The following FMN2 variants were observed in gnomAD, a reference collection of about 807,000 sequenced individuals.
FMN2 encodes the protein formin-2.
A neutral mutation model predicts 142.3 loss-of-function variants in FMN2; 51 were observed. That is an observed-to-expected ratio of 0.36 (90% CI 0.29 to 0.45). The LOEUF is 0.45. Ranked by LOEUF, FMN2 falls within the 20% of genes least tolerant of loss-of-function variation. The pLI is 1.00. For missense variants in FMN2, 1,936 were observed against 2,122.8 expected, an observed-to-expected ratio of 0.91 and a Z score of 1.73; for synonymous variants, 882 against 869.8, an observed-to-expected ratio of 1.01 and a Z score of -0.25.
At chr1:240,354,469 A>G (rs952514174) in intron 13 of FMN2, among the ~76,000 whole-genome samples, 6 of 152,190 alleles carry the variant, frequency 3.9e-5, no homozygotes, top group African/African-American at 1.2e-4. Context: ...TGGAAGTTTC[A>G]TATGTTGAGT....
Position 240,206,808 on chromosome 1 carries a change from G to T in FMN2, c.1996G>T (p.Asp666Tyr), listed in dbSNP as rs141879002. The T allele has an allele frequency of 6.2e-7, 1 of 1,604,656 alleles. No homozygotes were observed. The highest frequency in any genetic ancestry group is 1.3e-5 in the African/African-American group (1 of 74,684). ...CCTTGTCGCCCTTCAGGAAGTTGTT[G>T]ACATGAAGTCTGAGGGACAGGCCAC... The part of the protein sequence containing the change: ...RSDAVQKEVV[D>Y]MKSEGQATVI... Residue 666 changes from aspartate to tyrosine, a missense_variant, in exon 5 of 18, where the codon GAC becomes TAC. Around this residue, in one of 8 missense-constraint regions of FMN2, gnomAD observed 478 missense variants for 462.8 expected, o/e 1.03. Coordinates refer to ENST00000319653, the MANE Select transcript of FMN2 (RefSeq NM_020066.5).
At position 240,424,890 on chromosome 1, in the gene FMN2, G is replaced by A. The variant is rs970888091; in HGVS notation, c.4911-13171G>A. ...AAAATTTGCCTCCAGAAATGTCTAG[G>A]CCCCTTGTTCAGGAGACAGTCATTC... On this transcript the variant is annotated intron_variant, in intron 15 of 17. Coordinates refer to ENST00000319653, the MANE Select transcript of FMN2 (RefSeq NM_020066.5). 1.1e-4 allele frequency among the ~76,000 whole-genome samples: 17 copies of A among 152,270 alleles called. No individual in the cohort carries two copies. In the East Asian group the frequency reaches 3.1e-3, roughly 28 times the overall value.
intron 2 of FMN2, among the ~76,000 whole-genome samples, chr1:240,162,544 TC>T (rs1664321706): frequency 6.6e-6 from 1 of 152,222 alleles, no homozygotes; most frequent in Non-Finnish European, 1.5e-5. Context: ...TGCATTTTTT[TC>T]CTTAAAAATT....
chr1:240,238,415 C>T (rs554598593), intron 6 of FMN2, among the ~76,000 whole-genome samples: 1 of 152,260 alleles, frequency 6.6e-6, no homozygotes, highest in African/African-American at 2.4e-5. Flanking sequence ...TGGTGAATAC[C>T]TAACAGTGTA....
intron 1 of FMN2, among the ~76,000 whole-genome samples, chr1:240,117,882 A>T (rs1662085277): frequency 6.6e-6 from 1 of 152,198 alleles, no homozygotes; most frequent in South Asian, 2.1e-4. Flanking sequence ...GACTTACATA[A>T]ATTCAAGGGC....
At chr1:240,147,306 G>C (rs1663529750) in intron 2 of FMN2, among the ~76,000 whole-genome samples, 2 of 152,058 alleles carry the variant, frequency 1.3e-5, no homozygotes, top group African/African-American at 4.8e-5. Flanking sequence ...ACCCACGAAG[G>C]CTGACTCTAC....
chr1:240,245,673 G>A, intron 6 of FMN2: 1 of 459,328 alleles, frequency 2.2e-6, no homozygotes, highest in Non-Finnish European at 4.5e-6. Flanking sequence ...GGTGGTCTCT[G>A]TTGTGACTTG....
intron 8 of FMN2, among the ~76,000 whole-genome samples, chr1:240,325,885 T>A (rs965823322): frequency 4.6e-5 from 7 of 152,216 alleles, no homozygotes; most frequent in African/African-American, 1.7e-4. Flanking sequence ...ACAAGCTTTG[T>A]TGAGGCGTGA....
intron 7 of FMN2, among the ~76,000 whole-genome samples, chr1:240,289,221 G>C (rs1669692086): frequency 6.6e-6 from 1 of 152,154 alleles, no homozygotes; most frequent in Admixed American, 6.6e-5. Flanking sequence ...CTTATGAAAG[G>C]AAGGGGCCAT....
intron 8 of FMN2, among the ~76,000 whole-genome samples, chr1:240,297,617 GAA>G (rs1446173680): frequency 1.8e-5 from 2 of 112,780 alleles, no homozygotes; most frequent in African/African-American, 6.8e-5. Context: ...AAAAAAAAAA[GAA>G]TATTTTATTT....
chr1:240,119,519 G>T (rs1370844299), intron 1 of FMN2, among the ~76,000 whole-genome samples: 1 of 152,146 alleles, frequency 6.6e-6, no homozygotes, highest in Non-Finnish European at 1.5e-5. Context: ...GACATTTTGG[G>T]CTGTTACAGC....
At chr1:240,295,551 C>T (rs928607605) in intron 8 of FMN2, among the ~76,000 whole-genome samples, 35 of 95,934 alleles carry the variant, frequency 3.6e-4, no homozygotes, top group East Asian at 3.9e-4. Context: ...TTTCACTTAG[C>T]ATTATGCCCT....
intron 15 of FMN2, among the ~76,000 whole-genome samples, chr1:240,437,726 TAGAA>T (rs533590395): frequency 8.1e-4 from 123 of 152,306 alleles, no homozygotes; most frequent in Non-Finnish European, 1.3e-3. Flanking sequence ...GTTTAGGGTT[TAGAA>T]AGAAAGTATA....
intron 2 of FMN2, among the ~76,000 whole-genome samples, chr1:240,173,862 T>C (rs1026978903): frequency 6.6e-6 from 1 of 152,178 alleles, no homozygotes; most frequent in Non-Finnish European, 1.5e-5. Context: ...AGAGTGCTTT[T>C]AGCATGCTTT....
In FMN2 at chr1:240,178,049, G is replaced by T. The variant is rs764589234; in HGVS notation, c.1911G>T (p.Arg637Ser). Residue 637 changes from arginine (R) to serine (S), a missense_variant, in exon 3 of 18, where the codon AGG becomes AGT. Arg to Ser is a moderately radical substitution (Grantham distance 110). Coordinates refer to ENST00000319653, the MANE Select transcript of FMN2 (RefSeq NM_020066.5). ...PPSKPPDEEH[R>S]LEDAETESQS... ...CCAAACCTCCCGATGAGGAACACAG[G>T]CTCGAGGATGCTGAAACAGGTAACC... The T allele has an allele frequency of 6.2e-7, 1 of 1,601,744 alleles. No individual in the cohort carries two copies. Among genetic ancestry groups the T allele is most frequent in the East Asian group, 2.2e-5 (1 of 44,660 alleles).
intron 16 of FMN2, among the ~76,000 whole-genome samples, chr1:240,459,603 G>A (rs1014665870): frequency 7.2e-5 from 11 of 151,862 alleles, no homozygotes; most frequent in African/African-American, 1.2e-4. Context: ...TGTAGTTGCA[G>A]CTACTCAGGA....
intron 2 of FMN2, among the ~76,000 whole-genome samples, 161 bp downstream of exon 2, chr1:240,123,506 A>ACAC (rs558581852): frequency 1.4e-3 from 72 of 49,702 alleles, no homozygotes; most frequent in Middle Eastern, 0.023. Flanking sequence ...GTTTGTACAC[A>ACAC]AAAAAAAAAA....
Position 240,093,628 on chromosome 1 carries a change from G to C in FMN2, c.1519G>C (p.Val507Leu). 1 of 1,424,278 alleles carries C rather than the reference G, an allele frequency of 7.0e-7. No individual in the cohort carries two copies. The highest frequency in any genetic ancestry group is 9.1e-7 in the Non-Finnish European group (1 of 1,100,850). 88.2% of individuals were successfully genotyped at this position (1,424,278 alleles called of 1,614,324 possible). Residue 507 changes from valine to leucine, a missense_variant, in exon 1 of 18, where the codon GTG becomes CTG. Val to Leu is a conservative substitution (Grantham distance 32). Around this residue, in one of 8 missense-constraint regions of FMN2, gnomAD observed 751 missense variants for 791.8 expected, o/e 0.95. Coordinates refer to ENST00000319653, the MANE Select transcript of FMN2 (RefSeq NM_020066.5). ...CTCCGCGCACCTGCTGGAGCGCGGG[G>C]TGGCGAGTGACAGCGGCGGTGGGGT... ...GGSAHLLERG[V>L]ASDSGGGVSP...
At chr1:240,358,552 G>C (rs1383572809) in intron 14 of FMN2, among the ~76,000 whole-genome samples, 1 of 152,146 alleles carries the variant, frequency 6.6e-6, no homozygotes, top group Non-Finnish European at 1.5e-5. Context: ...CAGCACGTCT[G>C]GGGAGGCCTC....
Sources: allele counts gnomAD v4.1 joint callset (sites outside exome capture counted in the v4.1 genomes callset), GRCh38; gene constraint gnomAD v4.1.1; regional missense constraint gnomAD v4.1.1; transcripts MANE v1.5; gene names NCBI Gene and HGNC (gene_info 2026-07-23, HGNC 2026-07-21).